The following LRRC4C variants were observed in gnomAD, a reference collection of about 807,000 sequenced individuals.
LRRC4C encodes leucine rich repeat containing 4C, also known as leucine-rich repeat-containing protein 4C.
A neutral mutation model predicts 33.6 loss-of-function variants in LRRC4C; 5 were observed. That is an observed-to-expected ratio of 0.15 (90% confidence interval 0.08 to 0.31). LRRC4C has a LOEUF of 0.31. Among genes scored for constraint, LRRC4C ranks in the 10% least tolerant of loss-of-function variants. LRRC4C has a pLI of 1.00. For synonymous variants in LRRC4C, 329 were observed against 302.0 expected (o/e 1.09, Z -0.93); for missense variants, 560 against 796.7 (o/e 0.70, Z 3.58).
At chr11:40,677,850 C>T (rs1944480113) in intron 2 of LRRC4C, among the ~76,000 whole-genome samples, 1 of 152,154 alleles carries the variant, frequency 6.6e-6, no homozygotes, top group African/African-American at 2.4e-5. Flanking sequence ...CATTTCTTTA[C>T]ATGACCTCCA....
intron 2 of LRRC4C, among the ~76,000 whole-genome samples, chr11:40,918,551 G>A (rs1418704621): frequency 6.6e-6 from 1 of 151,596 alleles, no homozygotes; most frequent in Non-Finnish European, 1.5e-5. Flanking sequence ...CCTTCTTTTA[G>A]GATGGCACAC....
At chr11:40,903,704 G>C (rs906580456) in intron 2 of LRRC4C, among the ~76,000 whole-genome samples, 1 of 151,934 alleles carries the variant, frequency 6.6e-6, no homozygotes, top group African/African-American at 2.4e-5. Context: ...TGGTTAATGG[G>C]GTACAAAAAA....
chr11:40,857,256 G>A (rs1052616642), intron 2 of LRRC4C, among the ~76,000 whole-genome samples: 3 of 152,122 alleles, frequency 2.0e-5, no homozygotes, highest in Non-Finnish European at 4.4e-5. Context: ...GGTTTGTTAT[G>A]TAAATATGTG....
chr11:40,700,708 T>C (rs1326513512), intron 2 of LRRC4C, among the ~76,000 whole-genome samples: 2 of 152,174 alleles, frequency 1.3e-5, no homozygotes, highest in Non-Finnish European at 2.9e-5. Context: ...CATTACACCA[T>C]GGAACCTCAT....
chr11:40,898,580 A>T (rs1334901824), intron 2 of LRRC4C, among the ~76,000 whole-genome samples: 1 of 151,850 alleles, frequency 6.6e-6, no homozygotes, highest in Non-Finnish European at 1.5e-5. Flanking sequence ...AAGGAAGAAA[A>T]AGTGAAAGAA....
chr11:41,187,881 T>A (rs895817061), intron 1 of LRRC4C, among the ~76,000 whole-genome samples: 2 of 152,164 alleles, frequency 1.3e-5, no homozygotes, highest in Non-Finnish European at 2.9e-5. Flanking sequence ...CAATTACACA[T>A]CCTGTGAGGA....
At chr11:40,269,955 A>G (rs1421932328) in intron 4 of LRRC4C, among the ~76,000 whole-genome samples, 1 of 152,148 alleles carries the variant, frequency 6.6e-6, no homozygotes, top group Non-Finnish European at 1.5e-5. Context: ...AGGAAGTTAG[A>G]TTACCTGAAA....
chr11:40,206,148 T>C (rs1863129476), intron 5 of LRRC4C, among the ~76,000 whole-genome samples: 1 of 152,158 alleles, frequency 6.6e-6, no homozygotes, highest in African/African-American at 2.4e-5. Context: ...TCAATAAATA[T>C]AAAGATATAA....
intron 4 of LRRC4C, among the ~76,000 whole-genome samples, chr11:40,267,584 C>T (rs960961628): frequency 6.6e-6 from 1 of 152,148 alleles, no homozygotes; most frequent in Non-Finnish European, 1.5e-5. Flanking sequence ...ATCTCCTGAC[C>T]TCGTGATCTT....
Position 40,382,684 on chromosome 11 carries a change from A to ATTTTTTTTTT in LRRC4C, c.-269-62973_-269-62964dup, listed in dbSNP as rs35200000. On this transcript the variant is annotated intron_variant, in intron 3 of 6. Transcript: ENST00000528697. ...TTTTGCACAACTAAAACTTGTACTC[A>ATTTTTTTTTT]TTTTTTTTTTTTTTTTTTTTTTTTT... Among the ~76,000 whole-genome samples the ATTTTTTTTTT allele has an allele frequency of 6.1e-5, 4 of 65,546 alleles. 1 individual carries two copies. Among genetic ancestry groups the ATTTTTTTTTT allele is most frequent in the East Asian group, 1.1e-3 (2 of 1,892 alleles). The allele number at this position is 65,546 out of a possible 152,430, so 43.0% of individuals were successfully genotyped here. A position where few individuals can be genotyped will look rare whatever the true frequency, so the allele number is the denominator to read the frequency against.
At chr11:41,411,546 T>A (rs1024688491) in intron 1 of LRRC4C, among the ~76,000 whole-genome samples, 2 of 152,118 alleles carry the variant, frequency 1.3e-5, no homozygotes, top group African/African-American at 2.4e-5. Flanking sequence ...AAGAGAAAAA[T>A]TGTACTTCAG....
At chr11:40,660,037 G>T (rs1459205550) in intron 2 of LRRC4C, among the ~76,000 whole-genome samples, 2 of 152,218 alleles carry the variant, frequency 1.3e-5, no homozygotes, top group Non-Finnish European at 2.9e-5. Flanking sequence ...CCCTCTCTGG[G>T]GCTCTGCAGT....
chr11:40,493,549 A>G (rs1954270134), intron 3 of LRRC4C, among the ~76,000 whole-genome samples: 1 of 152,160 alleles, frequency 6.6e-6, no homozygotes. Flanking sequence ...ATGAATGAGT[A>G]AAGGTAAAAA....
chr11:40,675,100 G>A (rs1305476571), intron 2 of LRRC4C, among the ~76,000 whole-genome samples: 9 of 152,056 alleles, frequency 5.9e-5, no homozygotes, highest in Non-Finnish European at 1.0e-4. Flanking sequence ...TCATTGACAA[G>A]GTAGGTTTAC....
At chr11:40,949,547 G>A (rs1292473059) in intron 1 of LRRC4C, among the ~76,000 whole-genome samples, 2 of 152,096 alleles carry the variant, frequency 1.3e-5, no homozygotes, top group African/African-American at 4.8e-5. Context: ...CCAGAAGAGA[G>A]TGGGGGCCAA....
At chr11:41,057,488 G>A (rs889550495) in intron 1 of LRRC4C, among the ~76,000 whole-genome samples, 2 of 152,206 alleles carry the variant, frequency 1.3e-5, no homozygotes, top group African/African-American at 2.4e-5. Flanking sequence ...CCCATCTTCA[G>A]GCCAGGGAGG....
chr11:40,524,831 C>T (rs1211779995), intron 3 of LRRC4C, among the ~76,000 whole-genome samples: 1 of 152,122 alleles, frequency 6.6e-6, no homozygotes, highest in African/African-American at 2.4e-5. Flanking sequence ...CCTTTTGGAG[C>T]TCGCATAGGC....
chr11:40,264,599 T>C (rs1942110704), intron 4 of LRRC4C, among the ~76,000 whole-genome samples: 1 of 152,206 alleles, frequency 6.6e-6, no homozygotes, highest in African/African-American at 2.4e-5. Context: ...TGAATATAAC[T>C]AGGCTGTCTT....
chr11:40,356,304 T>G (rs1232722904), intron 3 of LRRC4C, among the ~76,000 whole-genome samples: 1 of 152,182 alleles, frequency 6.6e-6, no homozygotes, highest in Non-Finnish European at 1.5e-5. Context: ...CCAGAACACC[T>G]CCGATGTTAT....
Sources: gnomAD v4.1 joint callset for allele counts (sites outside exome capture counted in the v4.1 genomes callset) on GRCh38, gnomAD v4.1.1 for gene constraint, MANE v1.5 for transcripts, NCBI Gene and HGNC (gene_info 2026-07-23, HGNC 2026-07-21) for gene names.